The following ATP2B2 variants were observed in gnomAD, a reference collection of about 807,000 sequenced individuals.
ATP2B2 encodes ATPase plasma membrane Ca2+ transporting 2.
ATP2B2 carries 15 observed loss-of-function variants against 120.0 expected under a neutral mutation model. The observed-to-expected ratio is 0.12, with a 90% CI of 0.08 to 0.19. The LOEUF is 0.19. Among genes scored for constraint, ATP2B2 ranks in the 10% least tolerant of loss-of-function variants. The pLI is 1.00. For synonymous variants in ATP2B2, 694 were observed against 700.3 expected, an observed-to-expected ratio of 0.99 and a Z score of 0.14; for missense variants, 1,045 against 1,719.8, an observed-to-expected ratio of 0.61 and a Z score of 6.94.
chr3:10,457,416 G>C (rs1216660940), intron 1 of ATP2B2, among the ~76,000 whole-genome samples: 4 of 152,114 alleles, frequency 2.6e-5, no homozygotes, highest in Admixed American at 2.6e-4. Flanking sequence ...GCTGGTCTTA[G>C]AGTACGCCTG....
At chr3:10,382,197 A>ATTTTTTTTTTTTTTTT (rs58615119) in intron 8 of ATP2B2, among the ~76,000 whole-genome samples, 2 of 122,322 alleles carry the variant, frequency 1.6e-5, no homozygotes, top group African/African-American at 3.3e-5. Context: ...AGCTAATTAA[A>ATTTTTTTTTTTTTTTT]TTTTTTTTTT....
chr3:10,626,805 T>G (rs4684732), intron 1 of ATP2B2: 6,167 of 151,650 alleles, frequency 0.041, 351 homozygotes, highest in Admixed American at 0.16. Flanking sequence ...TAGCAGAAAG[T>G]TCTCTATGAG....
chr3:10,341,467 C>T (rs905251822), intron 19 of ATP2B2, among the ~76,000 whole-genome samples: 1 of 152,094 alleles, frequency 6.6e-6, no homozygotes, highest in Admixed American at 6.6e-5. Context: ...CGCACCATCA[C>T]GCCCGGCTAA....
chr3:10,626,656 G>T (rs1297995315), intron 1 of ATP2B2: 4 of 151,936 alleles, frequency 2.6e-5, no homozygotes, highest in Admixed American at 2.0e-4. Flanking sequence ...TAGAGAGGCT[G>T]ATAAATGAAT....
intron 22 of ATP2B2, among the ~76,000 whole-genome samples, chr3:10,331,629 C>G (rs1228755310): frequency 6.6e-6 from 1 of 150,422 alleles, no homozygotes; most frequent in Non-Finnish European, 1.5e-5. Context: ...CTTCGGTTCT[C>G]TCCGAGGCTG....
At chr3:10,525,984 A>G (rs2067083081) in intron 3 of ATP2B2, among the ~76,000 whole-genome samples, 1 of 152,240 alleles carries the variant, frequency 6.6e-6, no homozygotes, top group African/African-American at 2.4e-5. Context: ...AAGTGGGTAT[A>G]ATAATTTTCT....
At chr3:10,395,655 T>A (rs779437205) in intron 5 of ATP2B2, among the ~76,000 whole-genome samples, 1 of 152,230 alleles carries the variant, frequency 6.6e-6, no homozygotes, top group Non-Finnish European at 1.5e-5. Flanking sequence ...AGCTAAAAAA[T>A]AGGCCTAGGT....
At chr3:10,591,485 C>G (rs2068643229) in intron 2 of ATP2B2, among the ~76,000 whole-genome samples, 1 of 152,058 alleles carries the variant, frequency 6.6e-6, no homozygotes, top group African/African-American at 2.4e-5. Flanking sequence ...TGGCGCCCTG[C>G]TCTCTCCCCC....
chr3:10,633,295 C>T (rs915545589), intron 1 of ATP2B2, among the ~76,000 whole-genome samples: 5 of 152,202 alleles, frequency 3.3e-5, no homozygotes, highest in African/African-American at 4.8e-5. Context: ...ACCCTGCCTC[C>T]GCTTCCAAAA....
At chr3:10,625,128 G>A (rs537942177) in intron 1 of ATP2B2, among the ~76,000 whole-genome samples, 2 of 152,242 alleles carry the variant, frequency 1.3e-5, no homozygotes, top group Non-Finnish European at 2.9e-5. Flanking sequence ...AAACTCAGAG[G>A]TGAGGACGTG....
chr3:10,401,102 G>T (rs773874283), intron 4 of ATP2B2, 24 bp from the exon 5 acceptor site: 12 of 1,613,146 alleles, frequency 7.4e-6, no homozygotes, highest in Non-Finnish European at 1.0e-5. Context: ...GGGCAGGGGA[G>T]TCAGCAGGCT....
At chr3:10,338,493 T>A in intron 21 of ATP2B2, 135 bp from the exon 22 acceptor site, 1 of 571,946 alleles carries the variant, frequency 1.7e-6, no homozygotes, top group African/African-American at 2.0e-5. Flanking sequence ...TTCACCCACC[T>A]CACCTGTTCC....
intron 2 of ATP2B2, among the ~76,000 whole-genome samples, chr3:10,614,472 A>G (rs959235848): frequency 6.6e-6 from 1 of 152,256 alleles, no homozygotes; most frequent in African/African-American, 2.4e-5. Flanking sequence ...TAACAAACAG[A>G]TGCTCTGAAA....
intron 1 of ATP2B2, among the ~76,000 whole-genome samples, chr3:10,623,260 ATCTTGCTATGCTGG>A (rs1455589026): frequency 7.2e-5 from 11 of 152,052 alleles, no homozygotes; most frequent in African/African-American, 2.7e-4. Context: ...TGGAAATGGG[ATCTTGCTATGCTGG>A]TCTCAAACTC....
chr3:10,563,673 G>C (rs2067951433), intron 2 of ATP2B2, among the ~76,000 whole-genome samples: 1 of 152,240 alleles, frequency 6.6e-6, no homozygotes, highest in Non-Finnish European at 1.5e-5. Flanking sequence ...CTGCCTCTGA[G>C]CACCCAGTAC....
At chr3:10,633,105 G>T (rs2125641060) in intron 1 of ATP2B2, among the ~76,000 whole-genome samples, 1 of 152,372 alleles carries the variant, frequency 6.6e-6, no homozygotes, top group South Asian at 2.1e-4. Context: ...ATGTGGGCCT[G>T]GGAGTGGAAT....
At chr3:10,633,083 G>A (rs1051195265) in intron 1 of ATP2B2, among the ~76,000 whole-genome samples, 3 of 152,220 alleles carry the variant, frequency 2.0e-5, no homozygotes, top group Non-Finnish European at 4.4e-5. Context: ...CTGGGAACAG[G>A]GGCCCTGAGC....
chr3:10,569,325 A>T (rs2068074662), intron 2 of ATP2B2, among the ~76,000 whole-genome samples: 1 of 152,208 alleles, frequency 6.6e-6, no homozygotes, highest in Admixed American at 6.5e-5. Context: ...AGTGGGAAGA[A>T]TTAACCCTAT....
rs914919364 is a variant in ATP2B2, at chr3:10,329,603, G to A, written c.3421-478C>T. On this transcript the variant is annotated intron_variant, in intron 22 of 22. Coordinates refer to ENST00000360273, the MANE Select transcript of ATP2B2 (RefSeq NM_001001331.4). The surrounding 1 kb of genome is among the most constrained non-coding windows in gnomAD (Gnocchi z 5.9). ...ACACAGTTAAGAAACCATACAACAT[G>A]GAACATGTTACGTGTCACAAACAGA... Among the ~76,000 whole-genome samples the A allele has an allele frequency of 6.6e-6, 1 of 152,110 alleles. No homozygotes were observed. The highest frequency in any genetic ancestry group is 1.5e-5 in the Non-Finnish European group (1 of 68,036).
Sources: allele counts gnomAD v4.1 joint callset (sites outside exome capture counted in the v4.1 genomes callset), GRCh38; gene constraint gnomAD v4.1.1; non-coding constraint Gnocchi (gnomAD v3.1); transcripts MANE v1.5; gene names NCBI Gene and HGNC (gene_info 2026-07-23, HGNC 2026-07-21).